GPATCH2: variants seen among roughly 807,000 people sequenced by gnomAD.
The protein encoded by GPATCH2 is G patch domain-containing protein 2.
Under a neutral mutation model 58.0 loss-of-function variants are expected in GPATCH2, and 51 were observed. The ratio of observed to expected loss-of-function variants is 0.88; its 90% CI spans 0.70 to 1.11. The LOEUF is 1.11. Among genes scored for constraint, GPATCH2 ranks in the 50% most tolerant of loss-of-function variants. The pLI is 0.00. For missense variants in GPATCH2, 625 were observed against 652.2 expected (o/e 0.96, Z 0.45); for synonymous variants, 222 against 218.5 (o/e 1.02, Z -0.14).
rs1296749866 is a variant in GPATCH2, at chr1:217,431,257, C to T, written c.1475G>A (p.Gly492Glu). The change falls in exon 10 of 10, where the codon GGG (glycine) becomes GAG (glutamate). Residue 492 changes from glycine (G) to glutamate (E), a missense_variant. Coordinates refer to ENST00000366935, the MANE Select transcript of GPATCH2 (RefSeq NM_018040.5). ...CATGGCTTGAATTGGCTCAGAGATC[C>T]CCTTGCCATCTCGTCCAAGGCCTGA... Reference protein sequence around the residue: ...PGSGLGRDGKGISEPIQAMQR... With the variant: ...PGSGLGRDGKEISEPIQAMQR... The T allele has an allele frequency of 6.2e-7, 1 of 1,603,740 alleles. No individual in the cohort carries two copies. Among genetic ancestry groups the T allele is most frequent in the East Asian group, 2.2e-5 (1 of 44,836 alleles).
intron 8 of GPATCH2, among the ~76,000 whole-genome samples, chr1:217,481,612 C>G (rs892040141): frequency 2.0e-5 from 3 of 152,120 alleles, no homozygotes; most frequent in African/African-American, 7.2e-5. Context: ...AACCCCAGCA[C>G]TTTGGGAGGC....
chr1:217,523,934 T>C lies in GPATCH2; in HGVS notation c.1099-9045A>G, dbSNP rs796540197. Among the ~76,000 whole-genome samples, 145 of 55,744 alleles carry C rather than the reference T, an allele frequency of 2.6e-3. 5 individuals are homozygous for C. Among genetic ancestry groups the C allele is most frequent in the Non-Finnish European group, 4.4e-3 (90 of 20,420 alleles). The allele number at this position is 55,744 out of a possible 152,430, so 36.6% of individuals were successfully genotyped here. ...CACACCTCCCTCCCGGACGGGGCAG[T>C]TGGCCGGGCGGGGGGCTGACCCCCA... On this transcript the variant is annotated intron_variant, in intron 5 of 9. Transcript: ENST00000366935.
intron 8 of GPATCH2, among the ~76,000 whole-genome samples, chr1:217,482,989 A>C (rs972921400): frequency 6.6e-6 from 1 of 152,124 alleles, no homozygotes; most frequent in African/African-American, 2.4e-5. Flanking sequence ...CTAGAATTTT[A>C]CATAAATGTG....
chr1:217,535,865 G>A (rs1258604171), intron 5 of GPATCH2, among the ~76,000 whole-genome samples: 2 of 152,204 alleles, frequency 1.3e-5, no homozygotes, highest in East Asian at 1.9e-4. Context: ...CCTCATCGCC[G>A]CTACTGATTT....
At chr1:217,448,100 GAAA>G (rs796368256) in intron 9 of GPATCH2, among the ~76,000 whole-genome samples, 5 of 115,632 alleles carry the variant, frequency 4.3e-5, no homozygotes, top group South Asian at 2.9e-4. Flanking sequence ...CTCTGTCTCA[GAAA>G]AAAAAAAAAA....
At chr1:217,448,664 T>C (rs747471924) in intron 9 of GPATCH2, among the ~76,000 whole-genome samples, 1 of 152,204 alleles carries the variant, frequency 6.6e-6, no homozygotes, top group Non-Finnish European at 1.5e-5. Context: ...GTCTTCTCAA[T>C]ACCACGCTCA....
At chr1:217,575,188 G>T (rs1666749698) in intron 5 of GPATCH2, among the ~76,000 whole-genome samples, 1 of 152,138 alleles carries the variant, frequency 6.6e-6, no homozygotes, top group Non-Finnish European at 1.5e-5. Flanking sequence ...CTGCAAAGCT[G>T]GGATTAGATC....
At chr1:217,460,086 CA>C (rs1190990292) in intron 8 of GPATCH2, among the ~76,000 whole-genome samples, 1 of 152,056 alleles carries the variant, frequency 6.6e-6, no homozygotes, top group Non-Finnish European at 1.5e-5. Flanking sequence ...TACAAACATC[CA>C]GGCTCACTGA....
chr1:217,606,203 G>A (rs1367019286), intron 5 of GPATCH2, among the ~76,000 whole-genome samples: 1 of 151,116 alleles, frequency 6.6e-6, no homozygotes, highest in East Asian at 2.0e-4. Context: ...CATCATTTAA[G>A]CTATTCATTT....
intron 8 of GPATCH2, among the ~76,000 whole-genome samples, chr1:217,458,997 G>A (rs1402029359): frequency 1.3e-5 from 2 of 152,094 alleles, no homozygotes; most frequent in African/African-American, 2.4e-5. Flanking sequence ...CCAGAACCTA[G>A]CTTTGTTTTT....
intron 5 of GPATCH2, among the ~76,000 whole-genome samples, chr1:217,588,604 A>G (rs925649118): frequency 2.0e-5 from 3 of 152,224 alleles, no homozygotes; most frequent in African/African-American, 7.2e-5. Context: ...AAAATGAAAT[A>G]GAGTAAAAAA....
At chr1:217,482,979 C>A (rs1661285375) in intron 8 of GPATCH2, among the ~76,000 whole-genome samples, 1 of 152,114 alleles carries the variant, frequency 6.6e-6, no homozygotes, top group Admixed American at 6.5e-5. Flanking sequence ...TTTATGTTTC[C>A]TAGAATTTTA....
At chr1:217,584,153 A>G (rs1261665668) in intron 5 of GPATCH2, among the ~76,000 whole-genome samples, 2 of 151,608 alleles carry the variant, frequency 1.3e-5, no homozygotes, top group Non-Finnish European at 2.9e-5. Context: ...TGACAAAACT[A>G]AAAGACTGGA....
intron 8 of GPATCH2, among the ~76,000 whole-genome samples, chr1:217,467,924 T>G (rs564656791): frequency 3.9e-5 from 6 of 152,170 alleles, no homozygotes; most frequent in Non-Finnish European, 8.8e-5. Flanking sequence ...CACAATTACC[T>G]TAAATAATCT....
At chr1:217,473,329 G>T (rs1325451364) in intron 8 of GPATCH2, among the ~76,000 whole-genome samples, 1 of 147,632 alleles carries the variant, frequency 6.8e-6, no homozygotes, top group Non-Finnish European at 1.5e-5. Context: ...GTTCACTTTA[G>T]CTAATAATTG....
intron 5 of GPATCH2, among the ~76,000 whole-genome samples, chr1:217,534,053 T>C (rs1462425460): frequency 6.6e-6 from 1 of 151,870 alleles, no homozygotes; most frequent in Non-Finnish European, 1.5e-5. Flanking sequence ...CCACCTCTAC[T>C]AAAAATACAA....
chr1:217,542,461 A>G (rs1475659928), intron 5 of GPATCH2, among the ~76,000 whole-genome samples: 1 of 152,200 alleles, frequency 6.6e-6, no homozygotes, highest in African/African-American at 2.4e-5. Flanking sequence ...TGGAAAGAAA[A>G]AAATTCCTCT....
chr1:217,517,797 T>C (rs1571846275), intron 5 of GPATCH2, among the ~76,000 whole-genome samples: 1 of 152,112 alleles, frequency 6.6e-6, no homozygotes, highest in East Asian at 1.9e-4. Context: ...TAAGAAGTTG[T>C]TTCACTTTAA....
intron 7 of GPATCH2, among the ~76,000 whole-genome samples, chr1:217,495,575 C>CA: frequency 6.6e-6 from 1 of 152,110 alleles, no homozygotes; most frequent in East Asian, 1.9e-4. Context: ...GAAGACAAAA[C>CA]AAAAAATGAT....
Sources: allele counts gnomAD v4.1 joint callset (sites outside exome capture counted in the v4.1 genomes callset), GRCh38; gene constraint gnomAD v4.1.1; transcripts MANE v1.5; gene names NCBI Gene and HGNC (gene_info 2026-07-23, HGNC 2026-07-21).